Variants in TMEM131L observed in about 807,000 individuals in gnomAD.
TMEM131L encodes the protein transmembrane protein 131-like.
In TMEM131L, 54 loss-of-function variants were observed where a neutral mutation model predicts 192.2. That is an observed-to-expected ratio of 0.28 (90% CI 0.23 to 0.35). The LOEUF (loss-of-function observed/expected upper bound fraction) is 0.35, where lower values mean the gene tolerates loss of function less well. Among genes scored for constraint, TMEM131L ranks in the 10% least tolerant of loss-of-function variants. The pLI, the probability that TMEM131L is intolerant of heterozygous loss-of-function variation, is 1.00. For missense variants in TMEM131L, 1,888 were observed against 1,972.9 expected, an observed-to-expected ratio of 0.96 and a Z score of 0.82; for synonymous variants, 701 against 704.9, an observed-to-expected ratio of 0.99 and a Z score of 0.09.
At chr4:153,618,626 A>C (rs1733166089) in intron 26 of TMEM131L, among the ~76,000 whole-genome samples, 1 of 152,230 alleles carries the variant, frequency 6.6e-6, no homozygotes, top group South Asian at 2.1e-4. Context: ...ACTGAGGCAG[A>C]GAGGCTAAGT....
chr4:153,636,036 A>G (rs1228752349), intron 34 of TMEM131L, among the ~76,000 whole-genome samples: 4 of 151,944 alleles, frequency 2.6e-5, no homozygotes, highest in African/African-American at 9.7e-5. Flanking sequence ...TCCGCTTGAC[A>G]CTTGTTTTTG....
At chr4:153,545,536 C>G (rs1357893069) in intron 3 of TMEM131L, among the ~76,000 whole-genome samples, 2 of 152,108 alleles carry the variant, frequency 1.3e-5, no homozygotes, top group African/African-American at 4.8e-5. Flanking sequence ...ATCCACCCAC[C>G]TCGGCCTCCC....
chr4:153,537,240 G>GT (rs1396236053), intron 3 of TMEM131L, among the ~76,000 whole-genome samples: 3 of 152,102 alleles, frequency 2.0e-5, no homozygotes, highest in Non-Finnish European at 4.4e-5. Context: ...CATCTTTATG[G>GT]TTAACTCCAC....
In TMEM131L at chr4:153,608,966, C is replaced by T. The variant is rs138662702; in HGVS notation, c.3419-3286C>T. The stretch of plus-strand genomic sequence containing the variant: ...CCACCGTGAAGGGCATTAACATGTG[C>T]ACCTCCCAACGTCTTCTCCTGCCCC... On this transcript the variant is annotated intron_variant, in intron 25 of 34. Coordinates refer to ENST00000409959, the MANE Select transcript of TMEM131L (RefSeq NM_001131007.2). Among the ~76,000 whole-genome samples, 1,000 of 152,248 alleles carry T rather than the reference C, an allele frequency of 6.6e-3. 5 individuals are homozygous for T. Among genetic ancestry groups the T allele is most frequent in the Non-Finnish European group, 9.9e-3 (670 of 68,002 alleles).
At chr4:153,470,770 T>C (rs1401419708) in intron 2 of TMEM131L, among the ~76,000 whole-genome samples, 1 of 152,236 alleles carries the variant, frequency 6.6e-6, no homozygotes, top group Non-Finnish European at 1.5e-5. Context: ...CCACCTGACC[T>C]GCTCTGTCCT....
intron 3 of TMEM131L, among the ~76,000 whole-genome samples, chr4:153,474,211 C>T (rs1301692580): frequency 1.3e-5 from 2 of 152,226 alleles, no homozygotes; most frequent in South Asian, 2.1e-4. Context: ...GAACATGAAA[C>T]ACAAACAAGA....
chr4:153,581,657 C>A (rs913457352), intron 9 of TMEM131L, 97 bp downstream of exon 9: 3 of 766,100 alleles, frequency 3.9e-6, no homozygotes, highest in African/African-American at 3.6e-5. Context: ...CAAACCAAGA[C>A]AAATAGCCTT....
chr4:153,601,944 T>G (rs1382529725), intron 21 of TMEM131L: 1 of 344,440 alleles, frequency 2.9e-6, no homozygotes, highest in African/African-American at 2.1e-5. Context: ...CTTGCCTACT[T>G]AAGTATCTCT....
chr4:153,598,770 G>A (rs1431273268), intron 21 of TMEM131L, 38 bp downstream of exon 21: 3 of 1,493,024 alleles, frequency 2.0e-6, no homozygotes, highest in Non-Finnish European at 2.7e-6. Context: ...AGGGGAGGTT[G>A]GCATTAAAGC....
At chr4:153,564,221 G>A (rs561078842) in intron 7 of TMEM131L, among the ~76,000 whole-genome samples, 3 of 149,208 alleles carry the variant, frequency 2.0e-5, no homozygotes, top group African/African-American at 5.0e-5. Flanking sequence ...CCCGGGAGGC[G>A]GAGGTTGCAG....
chr4:153,540,991 C>G (rs562277957), intron 3 of TMEM131L, among the ~76,000 whole-genome samples: 2 of 152,146 alleles, frequency 1.3e-5, no homozygotes, highest in African/African-American at 4.8e-5. Context: ...GCTAACTTGT[C>G]CTAGAGCTGA....
intron 3 of TMEM131L, among the ~76,000 whole-genome samples, chr4:153,494,193 T>C (rs1223956125): frequency 2.0e-5 from 3 of 152,192 alleles, no homozygotes; most frequent in Admixed American, 6.5e-5. Flanking sequence ...CTGTTAATAG[T>C]GGAATTTGTA....
In TMEM131L at chr4:153,495,824, TA is replaced by T. The variant is rs1733135931; in HGVS notation, c.239+21940del. On this transcript the variant is annotated intron_variant, in intron 3 of 34. Coordinates refer to ENST00000409959, the MANE Select transcript of TMEM131L (RefSeq NM_001131007.2). ...TCTTTGTAGCTATCTTATTTAGGAA[TA>T]AAACGGGAGGCAGGTTTGCCTGGCA... is the stretch of plus-strand genomic sequence containing the variant. 2.6e-5 allele frequency among the ~76,000 whole-genome samples: 4 copies of T among 152,302 alleles called. No individual in the cohort carries two copies. The South Asian group carries it at 8.3e-4, about 32-fold the overall frequency.
At chr4:153,492,814 C>T (rs1404845151) in intron 3 of TMEM131L, among the ~76,000 whole-genome samples, 1 of 151,884 alleles carries the variant, frequency 6.6e-6, no homozygotes, top group East Asian at 1.9e-4. Context: ...TGGCTCAGGG[C>T]TGGGGGCAGG....
At chr4:153,494,340 A>C (rs563712342) in intron 3 of TMEM131L, among the ~76,000 whole-genome samples, 1 of 152,232 alleles carries the variant, frequency 6.6e-6, no homozygotes, top group Non-Finnish European at 1.5e-5. Flanking sequence ...AATTAGGAGC[A>C]ACTTAATGTC....
At chr4:153,626,300 T>C in intron 30 of TMEM131L, 75 bp downstream of exon 30, 1 of 941,906 alleles carries the variant, frequency 1.1e-6, no homozygotes, top group Non-Finnish European at 1.7e-6. Flanking sequence ...TGTTTCTTCT[T>C]TGTACTTGGT....
chr4:153,618,684 C>A (rs1733170448), intron 26 of TMEM131L, among the ~76,000 whole-genome samples: 1 of 152,062 alleles, frequency 6.6e-6, no homozygotes, highest in Admixed American at 6.6e-5. Flanking sequence ...GAGATTGAAA[C>A]TAGGCAGTTT....
intron 2 of TMEM131L, among the ~76,000 whole-genome samples, chr4:153,471,461 T>C (rs1287057946): frequency 6.6e-6 from 1 of 152,230 alleles, no homozygotes; most frequent in Non-Finnish European, 1.5e-5. Context: ...CAGTTGTCAG[T>C]GTCTTGCCGA....
chr4:153,536,675 C>G (rs1029631121), intron 3 of TMEM131L, among the ~76,000 whole-genome samples: 2 of 152,138 alleles, frequency 1.3e-5, no homozygotes, highest in Non-Finnish European at 1.5e-5. Flanking sequence ...CAGAATCGAT[C>G]GATCTATCTA....
Sources: gnomAD v4.1 joint callset for allele counts (sites outside exome capture counted in the v4.1 genomes callset) on GRCh38, gnomAD v4.1.1 for gene constraint, MANE v1.5 for transcripts, NCBI Gene and HGNC (gene_info 2026-07-23, HGNC 2026-07-21) for gene names.